The following EMSY variants were observed in gnomAD, a reference collection of about 807,000 sequenced individuals.
EMSY encodes BRCA2-interacting transcriptional repressor EMSY.
A neutral mutation model predicts 134.6 loss-of-function variants in EMSY; 26 were observed. The ratio of observed to expected loss-of-function variants is 0.19; its 90% CI spans 0.14 to 0.27. EMSY has a LOEUF of 0.27. Ranked by LOEUF, EMSY falls within the 10% of genes least tolerant of loss-of-function variation. EMSY has a pLI of 1.00. For missense variants in EMSY, 1,305 were observed against 1,611.4 expected (o/e 0.81, Z 3.26); for synonymous variants, 579 against 577.8 (o/e 1.00, Z -0.03).
chr11:76,518,684 C>CATATATATGTATAT (rs1950536102), intron 11 of EMSY, among the ~76,000 whole-genome samples: 1 of 121,646 alleles, frequency 8.2e-6, no homozygotes, highest in Non-Finnish European at 1.7e-5. Flanking sequence ...TGTGTGCGCG[C>CATATATATGTATAT]ATATATATAT....
At chr11:76,449,235 C>T (rs529976761) in intron 2 of EMSY, among the ~76,000 whole-genome samples, 1 of 152,202 alleles carries the variant, frequency 6.6e-6, no homozygotes, top group East Asian at 1.9e-4. Context: ...TCTAAGGATA[C>T]CCATCAAAAT....
intron 15 of EMSY, among the ~76,000 whole-genome samples, chr11:76,536,786 G>C (rs1383761031): frequency 6.6e-6 from 1 of 152,206 alleles, no homozygotes; most frequent in Non-Finnish European, 1.5e-5. Context: ...CTGAGATCTA[G>C]AGAGGTTATC....
chr11:76,461,592 G>A (rs1354098098), intron 6 of EMSY, among the ~76,000 whole-genome samples: 1 of 152,184 alleles, frequency 6.6e-6, no homozygotes, highest in East Asian at 1.9e-4. Context: ...AGCCAAGGTG[G>A]TCTTTTAAAA....
intron 8 of EMSY, among the ~76,000 whole-genome samples, chr11:76,483,223 A>C (rs1404663702): frequency 6.6e-6 from 1 of 152,232 alleles, no homozygotes; most frequent in East Asian, 1.9e-4. Flanking sequence ...TGTCACCACC[A>C]GGCCTGCCTT....
At chr11:76,468,554 A>G (rs1050766781) in intron 7 of EMSY, among the ~76,000 whole-genome samples, 1 of 152,214 alleles carries the variant, frequency 6.6e-6, no homozygotes, top group Non-Finnish European at 1.5e-5. Flanking sequence ...TCTGAAATCT[A>G]TCCAAGGCTG....
intron 8 of EMSY, among the ~76,000 whole-genome samples, chr11:76,481,489 C>T (rs529701717): frequency 2.0e-4 from 30 of 152,356 alleles, no homozygotes; most frequent in African/African-American, 6.7e-4. Flanking sequence ...AAGCTAAGAT[C>T]AACTGGCTTG....
intron 10 of EMSY, among the ~76,000 whole-genome samples, chr11:76,514,582 T>C (rs1950382689): frequency 6.6e-6 from 1 of 152,218 alleles, no homozygotes; most frequent in Admixed American, 6.5e-5. Context: ...CTTTTGTTTT[T>C]TAAATTGCAG....
chr11:76,506,283 T>C (rs1326608845), intron 9 of EMSY, among the ~76,000 whole-genome samples: 1 of 152,172 alleles, frequency 6.6e-6, no homozygotes, highest in African/African-American at 2.4e-5. Flanking sequence ...GTTATCAATA[T>C]ATTGTATTGT....
exon 8 of EMSY, chr11:76,472,564 G>T (rs1445892801): frequency 3.7e-6 from 6 of 1,612,950 alleles, no homozygotes; most frequent in Non-Finnish European, 5.1e-6. Context: ...TATTCCTTAG[G>T]TTATTATAGT....
intron 7 of EMSY, among the ~76,000 whole-genome samples, 177 bp from the exon 9 acceptor site, chr11:76,472,387 G>A (rs1030365268): frequency 1.3e-5 from 2 of 151,980 alleles, no homozygotes; most frequent in African/African-American, 4.8e-5. Flanking sequence ...GCTTATAAAT[G>A]CATTTTGATG....
chr11:76,465,989 T>G (rs1449641825), intron 7 of EMSY, among the ~76,000 whole-genome samples: 1 of 152,106 alleles, frequency 6.6e-6, no homozygotes, highest in Non-Finnish European at 1.5e-5. Flanking sequence ...CTGCCTCGAG[T>G]AATATAAGCC....
At chr11:76,523,666 GATTAAGACTAA>G (rs1950727788) in intron 12 of EMSY, among the ~76,000 whole-genome samples, 1 of 146,484 alleles carries the variant, frequency 6.8e-6, no homozygotes, top group African/African-American at 2.6e-5. Context: ...AAATATGTGG[GATTAAGACTAA>G]ATTAATTGAT....
At chr11:76,477,418 A>G (rs1346078242) in intron 8 of EMSY, among the ~76,000 whole-genome samples, 2 of 151,896 alleles carry the variant, frequency 1.3e-5, no homozygotes, top group Admixed American at 6.6e-5. Context: ...CTGTTTATCT[A>G]TGACTCCAAC....
At chr11:76,505,392 G>GT (rs1950035659) in intron 9 of EMSY, among the ~76,000 whole-genome samples, 1 of 145,862 alleles carries the variant, frequency 6.9e-6, no homozygotes, top group East Asian at 2.0e-4. Flanking sequence ...GTAGAGATGG[G>GT]TTTTCACCAT....
intron 13 of EMSY, among the ~76,000 whole-genome samples, chr11:76,527,648 AAC>A (rs1950890543): frequency 6.6e-6 from 1 of 152,128 alleles, no homozygotes; most frequent in Non-Finnish European, 1.5e-5. Flanking sequence ...GAGCTGATCC[AAC>A]ACATGTTCCA....
At chr11:76,482,742 T>G (rs182653772) in intron 8 of EMSY, among the ~76,000 whole-genome samples, 34 of 152,226 alleles carry the variant, frequency 2.2e-4, no homozygotes, top group African/African-American at 7.9e-4. Context: ...CCAAGAAATA[T>G]GGGACTATGT....
intron 11 of EMSY, among the ~76,000 whole-genome samples, chr11:76,517,750 C>A (rs1176268425): frequency 6.6e-6 from 1 of 152,148 alleles, no homozygotes; most frequent in African/African-American, 2.4e-5. Context: ...TAAAACCATT[C>A]ATGTTAGTTG....
chr11:76,446,936 G>A (rs2134677389), exon 2 of EMSY: 1 of 1,612,806 alleles, frequency 6.2e-7, no homozygotes, highest in Non-Finnish European at 8.5e-7. Context: ...AACAGAAGCA[G>A]CAATGCCTGT....
chr11:76,449,548 C>G (rs1947565970), intron 2 of EMSY, among the ~76,000 whole-genome samples: 1 of 152,166 alleles, frequency 6.6e-6, no homozygotes, highest in Non-Finnish European at 1.5e-5. Context: ...TCAAACTATT[C>G]CCTCACTTTG....
Sources: allele counts gnomAD v4.1 joint callset (sites outside exome capture counted in the v4.1 genomes callset), GRCh38; gene constraint gnomAD v4.1.1; transcripts MANE v1.5; gene names NCBI Gene and HGNC (gene_info 2026-07-23, HGNC 2026-07-21).